Variants in FZD3 observed in about 807,000 individuals in gnomAD.
FZD3 encodes the protein frizzled-3.
In FZD3, 30 loss-of-function variants were observed where a neutral mutation model predicts 60.7. The ratio of observed to expected loss-of-function variants is 0.49; its 90% CI spans 0.37 to 0.67. The LOEUF is 0.67. Ranked by LOEUF, FZD3 falls within the 30% of genes least tolerant of loss-of-function variation. FZD3 has a pLI of 0.00. For synonymous variants in FZD3, 246 were observed against 275.2 expected (o/e 0.89, Z 1.05); for missense variants, 605 against 838.7 (o/e 0.72, Z 3.44).
intron 5 of FZD3, among the ~76,000 whole-genome samples, chr8:28,529,457 T>C (rs778657434): frequency 6.6e-6 from 1 of 152,174 alleles, no homozygotes; most frequent in African/African-American, 2.4e-5. Flanking sequence ...CAAGAAGAAC[T>C]TTTTTGTTTT....
chr8:28,503,221 T>G lies in FZD3; in HGVS notation c.189+19T>G, dbSNP rs751811704. ...AATGGAGGTAAGACTTGATCTATTCTTTGACGTATCTTAGTAAATGACTCT... is the reference window on the plus strand; with the variant it reads ...AATGGAGGTAAGACTTGATCTATTCGTTGACGTATCTTAGTAAATGACTCT... On this transcript the variant is annotated intron_variant, in intron 3 of 7. Coordinates refer to ENST00000240093, the MANE Select transcript of FZD3 (RefSeq NM_017412.4). 8.5e-6 allele frequency: 13 copies of G among 1,530,268 alleles called. No individual in the cohort carries two copies. Among genetic ancestry groups the G allele is most frequent in the Non-Finnish European group, 1.1e-5 (12 of 1,107,308 alleles). 94.8% of individuals were successfully genotyped at this position (1,530,268 alleles called of 1,614,324 possible). A position where few individuals can be genotyped will look rare whatever the true frequency, so the allele number is the denominator to read the frequency against.
intron 3 of FZD3, among the ~76,000 whole-genome samples, chr8:28,510,576 A>C (rs781361078): frequency 2.6e-5 from 4 of 152,222 alleles, no homozygotes; most frequent in Non-Finnish European, 5.9e-5. Flanking sequence ...TTATTGATAC[A>C]TGAGGGTTCT....
rs1051857856 is a variant in FZD3, at chr8:28,537,978, G to A, written c.1404+9814G>A. ...CTAAAAATACAAAAATTAGCTGGGC[G>A]TGGTGGCGGGCGCCTGTAATCCCAG... On this transcript the variant is annotated intron_variant, in intron 5 of 7. Coordinates refer to ENST00000240093, the MANE Select transcript of FZD3 (RefSeq NM_017412.4). Among the ~76,000 whole-genome samples the A allele has an allele frequency of 3.9e-5, 6 of 151,932 alleles. No individual in the cohort carries two copies. The South Asian group carries it at 6.2e-4, about 16-fold the overall frequency.
At chr8:28,548,415 C>T (rs975135851) in intron 5 of FZD3, among the ~76,000 whole-genome samples, 2 of 152,208 alleles carry the variant, frequency 1.3e-5, no homozygotes, top group African/African-American at 2.4e-5. Context: ...AACCACCTGC[C>T]TCAGCCTCCC....
chr8:28,495,443 A>G (rs1803819471), intron 1 of FZD3, among the ~76,000 whole-genome samples: 1 of 152,182 alleles, frequency 6.6e-6, no homozygotes, highest in African/African-American at 2.4e-5. Context: ...CTGATCGGGA[A>G]TGCTTATTGA....
Position 28,566,243 on chromosome 8 carries a change from A to G in FZD3, c.*3232A>G, listed in dbSNP as rs981439055. 1 of 152,174 alleles carries G rather than the reference A, an allele frequency of 6.6e-6. No homozygotes were observed. The highest frequency in any genetic ancestry group is 2.4e-5 in the African/African-American group (1 of 41,460). 9.4% of individuals were successfully genotyped at this position (152,174 alleles called of 1,614,324 possible). A position where few individuals can be genotyped will look rare whatever the true frequency, so the allele number is the denominator to read the frequency against. On this transcript the variant is annotated 3_prime_UTR_variant, in exon 8 of 8. Transcript: ENST00000240093. ...AATATGTGGCAGGTAATAAATATGT[A>G]AAGTACACCAAATGAAACATATTTT...
intron 5 of FZD3, among the ~76,000 whole-genome samples, chr8:28,548,765 T>C (rs1805350580): frequency 6.6e-6 from 1 of 152,202 alleles, no homozygotes. Flanking sequence ...ATATAACTCT[T>C]GGTATTTTTT....
intron 1 of FZD3, among the ~76,000 whole-genome samples, 199 bp from the exon 2 acceptor site, chr8:28,499,734 A>G (rs1353254205): frequency 1.3e-5 from 2 of 151,726 alleles, no homozygotes; most frequent in Non-Finnish European, 2.9e-5. Flanking sequence ...CTTATCTCAC[A>G]TTTGCATTTT....
chr8:28,563,227 A>G lies in FZD3; in HGVS notation c.*216A>G, dbSNP rs1805647727. On this transcript the variant is annotated 3_prime_UTR_variant, in exon 8 of 8. Coordinates refer to ENST00000240093, the MANE Select transcript of FZD3 (RefSeq NM_017412.4). The stretch of plus-strand genomic sequence containing the variant: ...TAAGAATTCTATCATCACAAAAATA[A>G]TTCGTCTTTCTAGGTTATGAAGAGA... 1.9e-6 allele frequency: 1 copy of G among 520,122 alleles called. No homozygotes were observed. The highest frequency in any genetic ancestry group is 3.5e-6 in the Non-Finnish European group (1 of 287,012). 32.2% of individuals were successfully genotyped at this position (520,122 alleles called of 1,614,324 possible).
chr8:28,524,163 A>G (rs1201406668), intron 4 of FZD3, among the ~76,000 whole-genome samples: 1 of 152,120 alleles, frequency 6.6e-6, no homozygotes, highest in African/African-American at 2.4e-5. Flanking sequence ...CTAAAAATTC[A>G]TGGACACCCC....
rs200915090 is a variant in FZD3, at chr8:28,562,892, C to G, written c.1882C>G (p.Arg628Gly). 2.1e-5 allele frequency: 34 copies of G among 1,612,660 alleles called. No homozygotes were observed. Among genetic ancestry groups the G allele is most frequent in the Non-Finnish European group, 2.7e-5 (32 of 1,178,732 alleles). Residue 628 changes from arginine (R) to glycine (G), a missense_variant, in exon 8 of 8, where the codon CGG becomes GGG. By Grantham distance (125) the Arg-to-Gly change is moderately radical. Coordinates refer to ENST00000240093, the MANE Select transcript of FZD3 (RefSeq NM_017412.4). ...TDHSRHSSSH[R>G]LNEQSRHSSI... is the part of the protein sequence containing the mutation. ...TCACTCCAGGCATAGTAGTTCTCATCGGCTCAATGAACAGTCACGACATAG... is the reference window on the plus strand; with the variant it reads ...TCACTCCAGGCATAGTAGTTCTCATGGGCTCAATGAACAGTCACGACATAG...
intron 4 of FZD3, among the ~76,000 whole-genome samples, chr8:28,523,588 T>A (rs1336076299): frequency 6.6e-6 from 1 of 150,464 alleles, no homozygotes; most frequent in African/African-American, 2.5e-5. Flanking sequence ...TACCACCATG[T>A]CCAGCTAATT....
chr8:28,502,295 A>G (rs1467866162), intron 2 of FZD3, among the ~76,000 whole-genome samples: 3 of 152,188 alleles, frequency 2.0e-5, no homozygotes, highest in Non-Finnish European at 2.9e-5. Context: ...TTTTAGTTCA[A>G]TAATTTAGGT....
In FZD3 at chr8:28,551,642, A is replaced by G. The variant is rs1805413582; in HGVS notation, c.1444A>G (p.Met482Val). The G allele has an allele frequency of 4.3e-6, 7 of 1,610,822 alleles. No individual in the cohort carries two copies. The highest frequency in any genetic ancestry group is 4.5e-5 in the East Asian group (2 of 44,822). The change falls in exon 6 of 8, where the codon ATG (methionine) becomes GTG (valine). Residue 482 changes from methionine to valine, a missense_variant. By Grantham distance (21) the Met-to-Val change is conservative. Coordinates refer to ENST00000240093, the MANE Select transcript of FZD3 (RefSeq NM_017412.4). ...MSRPDLILFL[M>V]KYLMALIVGI... is the part of the protein sequence containing the mutation. Reference sequence around the variant, plus strand: ...TCGTCCAGACTTGATTCTCTTTCTGATGAAATACCTGATGGCTCTCATAGT... The same window carrying G: ...TCGTCCAGACTTGATTCTCTTTCTGGTGAAATACCTGATGGCTCTCATAGT...
chr8:28,561,013 C>T (rs1300816577), intron 7 of FZD3, among the ~76,000 whole-genome samples: 1 of 152,074 alleles, frequency 6.6e-6, no homozygotes, highest in Non-Finnish European at 1.5e-5. Context: ...AAATATTTAT[C>T]TTTTCACATT....
chr8:28,561,593 A>G (rs562438883), intron 7 of FZD3, among the ~76,000 whole-genome samples: 12 of 105,884 alleles, frequency 1.1e-4, no homozygotes, highest in Admixed American at 1.0e-3. Flanking sequence ...TTTTTTGATG[A>G]CTGTTTAAAA....
chr8:28,562,597 T>G (rs1004355574), intron 7 of FZD3, among the ~76,000 whole-genome samples: 3 of 152,202 alleles, frequency 2.0e-5, no homozygotes, highest in Non-Finnish European at 4.4e-5. Flanking sequence ...TAATTCTGAT[T>G]GGATTATCTC....
At chr8:28,557,558 A>G (rs117612139) in intron 7 of FZD3, among the ~76,000 whole-genome samples, 27 of 152,330 alleles carry the variant, frequency 1.8e-4, no homozygotes, top group East Asian at 7.7e-4. Context: ...TTAAAAGAGC[A>G]GCAGTCTTTC....
intron 3 of FZD3, among the ~76,000 whole-genome samples, chr8:28,507,622 T>C (rs1421335633): frequency 1.3e-5 from 2 of 152,222 alleles, no homozygotes; most frequent in Non-Finnish European, 2.9e-5. Flanking sequence ...TCATTGACTA[T>C]TGGATTACTT....
Sources: gnomAD v4.1 joint callset for allele counts (sites outside exome capture counted in the v4.1 genomes callset) on GRCh38, gnomAD v4.1.1 for gene constraint, MANE v1.5 for transcripts, NCBI Gene and HGNC (gene_info 2026-07-23, HGNC 2026-07-21) for gene names.